The following MAGI2 variants were observed in gnomAD, a reference collection of about 807,000 sequenced individuals.
MAGI2 encodes membrane associated guanylate kinase, WW and PDZ domain containing 2.
Under a neutral mutation model 133.3 loss-of-function variants are expected in MAGI2, and 35 were observed. The observed-to-expected ratio is 0.26, with a 90% CI of 0.20 to 0.35. The LOEUF is 0.35. MAGI2 is among the 10% of genes least tolerant of loss of function. MAGI2 has a pLI of 1.00. For synonymous variants in MAGI2, 729 were observed against 710.6 expected, an observed-to-expected ratio of 1.03 and a Z score of -0.41; for missense variants, 1,636 against 1,863.4, an observed-to-expected ratio of 0.88 and a Z score of 2.25.
At chr7:78,183,761 T>C (rs1010150400) in intron 13 of MAGI2, among the ~76,000 whole-genome samples, 1 of 152,114 alleles carries the variant, frequency 6.6e-6, no homozygotes, top group African/African-American at 2.4e-5. Flanking sequence ...GAGATGGAGG[T>C]CTTGCCATCT....
chr7:78,786,411 A>G (rs1455985806), intron 2 of MAGI2, among the ~76,000 whole-genome samples: 1 of 152,220 alleles, frequency 6.6e-6, no homozygotes, highest in Non-Finnish European at 1.5e-5. Flanking sequence ...TTAATCCCAA[A>G]GAGTTCCTAT....
intron 9 of MAGI2, among the ~76,000 whole-genome samples, chr7:78,274,520 T>C (rs1361604965): frequency 6.6e-6 from 1 of 152,136 alleles, no homozygotes; most frequent in Non-Finnish European, 1.5e-5. Flanking sequence ...CGTTTAAGTC[T>C]GCTGAAGCTG....
intron 2 of MAGI2, among the ~76,000 whole-genome samples, chr7:78,793,767 G>A (rs2151374960): frequency 6.6e-6 from 1 of 152,244 alleles, no homozygotes; most frequent in Non-Finnish European, 1.5e-5. Flanking sequence ...TATCTGATTA[G>A]TATTTGGTCA....
At chr7:78,739,197 A>G (rs534474110) in intron 2 of MAGI2, among the ~76,000 whole-genome samples, 4 of 152,290 alleles carry the variant, frequency 2.6e-5, no homozygotes, top group Admixed American at 2.0e-4. Flanking sequence ...TCGAGCTGCT[A>G]TGTTTCAGTT....
chr7:78,748,031 T>C, intron 2 of MAGI2, among the ~76,000 whole-genome samples: 1 of 152,296 alleles, frequency 6.6e-6, no homozygotes, highest in South Asian at 2.1e-4. Flanking sequence ...CATAATTCTA[T>C]CAGAGTTATA....
intron 1 of MAGI2, among the ~76,000 whole-genome samples, chr7:79,359,645 C>A (rs1408825580): frequency 1.4e-5 from 2 of 147,422 alleles, no homozygotes; most frequent in Non-Finnish European, 3.0e-5. Flanking sequence ...ACAGCAGAGA[C>A]CAAAAGGAAA....
At chr7:78,104,474 G>C (rs1818486244) in intron 20 of MAGI2, among the ~76,000 whole-genome samples, 1 of 151,596 alleles carries the variant, frequency 6.6e-6, no homozygotes, top group South Asian at 2.1e-4. Context: ...CGCCCGCCTC[G>C]GCCTCCCAAA....
Position 78,589,827 on chromosome 7 carries a change from T to C in MAGI2, c.538+37293A>G, listed in dbSNP as rs568396430. Among the ~76,000 whole-genome samples, 101 of 152,332 alleles carry C rather than the reference T, an allele frequency of 6.6e-4. 1 individual carries two copies. In the Middle Eastern group the frequency reaches 0.01, roughly 15 times the overall value. On this transcript the variant is annotated intron_variant, in intron 3 of 21. Coordinates refer to ENST00000354212, the MANE Select transcript of MAGI2 (RefSeq NM_012301.4). ...CTTCAATATGGAAAGAGTAATGCAG[T>C]CTAAGTAAAACTGAGCAGTTACTTC...
chr7:79,382,278 T>C (rs1011607627), intron 1 of MAGI2, among the ~76,000 whole-genome samples: 2 of 151,730 alleles, frequency 1.3e-5, no homozygotes, highest in African/African-American at 4.8e-5. Flanking sequence ...TCTATTATAG[T>C]TCAAGTTCAC....
At chr7:78,316,501 A>G (rs1412383130) in intron 9 of MAGI2, among the ~76,000 whole-genome samples, 3 of 152,228 alleles carry the variant, frequency 2.0e-5, no homozygotes, top group African/African-American at 7.2e-5. Context: ...AGTACTCTGT[A>G]AGCCTTTATT....
intron 1 of MAGI2, among the ~76,000 whole-genome samples, chr7:79,071,851 G>A (rs1472793627): frequency 6.6e-6 from 1 of 152,104 alleles, no homozygotes; most frequent in Admixed American, 6.5e-5. Context: ...AGACTGCTGT[G>A]CTAGTAGCGA....
intron 20 of MAGI2, among the ~76,000 whole-genome samples, chr7:78,088,210 C>G (rs776849052): frequency 2.6e-5 from 4 of 152,202 alleles, no homozygotes; most frequent in Non-Finnish European, 5.9e-5. Context: ...CATTTATTTT[C>G]TGGATAAGCA....
intron 9 of MAGI2, among the ~76,000 whole-genome samples, chr7:78,284,015 A>G (rs1795894377): frequency 1.3e-5 from 2 of 152,156 alleles, no homozygotes. Context: ...CACAACATTA[A>G]ATAAATGCCT....
intron 16 of MAGI2, among the ~76,000 whole-genome samples, chr7:78,139,130 G>T (rs1158773585): frequency 1.3e-5 from 2 of 152,218 alleles, no homozygotes; most frequent in African/African-American, 4.8e-5. Flanking sequence ...AATAAATTCA[G>T]TGGTAGACAC....
intron 9 of MAGI2, among the ~76,000 whole-genome samples, chr7:78,323,070 A>AAAAC (rs1158967451): frequency 7.9e-6 from 1 of 127,004 alleles, no homozygotes; most frequent in Non-Finnish European, 1.6e-5. Context: ...AAGAAAAAAA[A>AAAAC]AAAGGTAAAA....
At chr7:78,459,591 G>A (rs554779549) in intron 6 of MAGI2, among the ~76,000 whole-genome samples, 1 of 152,312 alleles carries the variant, frequency 6.6e-6, no homozygotes, top group South Asian at 2.1e-4. Context: ...AGCATGGTGA[G>A]CAGTAGAGAT....
At chr7:78,397,072 G>T (rs149559434) in intron 6 of MAGI2, among the ~76,000 whole-genome samples, 49 of 152,086 alleles carry the variant, frequency 3.2e-4, no homozygotes, top group African/African-American at 1.2e-3. Flanking sequence ...GATGGAAATG[G>T]TTATTTTGAT....
chr7:78,446,543 C>A (rs931487112), intron 6 of MAGI2, among the ~76,000 whole-genome samples: 2 of 151,988 alleles, frequency 1.3e-5, no homozygotes, highest in African/African-American at 2.4e-5. Context: ...ATCAGGCAAC[C>A]TTTTGGTTGT....
In MAGI2 at chr7:78,176,915, A is replaced by T. The variant is rs960942281; in HGVS notation, c.2403+1096T>A. ...ATTTAAAAACCATATATAGACACAC[A>T]CACACACACACACACACACACACAC... On this transcript the variant is annotated intron_variant, in intron 14 of 21. Coordinates refer to ENST00000354212, the MANE Select transcript of MAGI2 (RefSeq NM_012301.4). Among the ~76,000 whole-genome samples the T allele has an allele frequency of 7.4e-5, 10 of 134,516 alleles. No homozygotes were observed. The South Asian group carries it at 9.8e-4, about 13-fold the overall frequency. The allele number at this position is 134,516 out of a possible 152,430, so 88.2% of individuals were successfully genotyped here. A position where few individuals can be genotyped will look rare whatever the true frequency, so the allele number is the denominator to read the frequency against.
Sources: gnomAD v4.1 joint callset for allele counts (sites outside exome capture counted in the v4.1 genomes callset) on GRCh38, gnomAD v4.1.1 for gene constraint, MANE v1.5 for transcripts, NCBI Gene and HGNC (gene_info 2026-07-23, HGNC 2026-07-21) for gene names.